The following NBPF15 variants were observed in gnomAD, a reference collection of about 807,000 sequenced individuals.
The protein encoded by NBPF15 is NBPF member 15, also known as NBPF family member NBPF15.
Under a neutral mutation model 62.2 loss-of-function variants are expected in NBPF15, and 74 were observed. The ratio of observed to expected loss-of-function variants is 1.19; its 90% confidence interval spans 0.99 to 1.44. NBPF15 has a LOEUF of 1.44. Ranked by LOEUF, NBPF15 falls within the 40% of genes most tolerant of loss-of-function variation. The probability of loss-of-function intolerance (pLI) is 0.00; values close to 1 mark genes in which losing one functional copy is unlikely to be tolerated. For missense variants in NBPF15, 790 were observed against 550.0 expected (o/e 1.44, Z -4.36); for synonymous variants, 244 against 209.7 (o/e 1.16, Z -1.41).
At chr1:144,442,180 AAT>A (rs1420198584) in intron 6 of NBPF15, among the ~76,000 whole-genome samples, 6 of 96,366 alleles carry the variant, frequency 6.2e-5, no homozygotes, top group East Asian at 2.8e-4. Flanking sequence ...ATATATATAT[AAT>A]ATATATACAC....
At chr1:144,429,386 G>A (rs1303024946) in intron 14 of NBPF15, among the ~76,000 whole-genome samples, 1 of 151,356 alleles carries the variant, frequency 6.6e-6, no homozygotes, top group Non-Finnish European at 1.5e-5. Context: ...GAGCTGAGCT[G>A]ACAGACAGCT....
At chr1:144,442,111 TATATAA>T (rs1683371721) in intron 6 of NBPF15, among the ~76,000 whole-genome samples, 1 of 75,594 alleles carries the variant, frequency 1.3e-5, no homozygotes, top group Non-Finnish European at 2.4e-5. Context: ...TGTATATATA[TATATAA>T]TATATATACA....
chr1:144,426,155 GC>G, intron 18 of NBPF15, 122 bp downstream of exon 18: 1 of 657,454 alleles, frequency 1.5e-6, no homozygotes. Flanking sequence ...ACCTTTATGC[GC>G]CCATAGGTCC....
At chr1:144,436,710 C>T (rs1201257019) in intron 10 of NBPF15, among the ~76,000 whole-genome samples, 185 bp downstream of exon 10, 1 of 152,052 alleles carries the variant, frequency 6.6e-6, no homozygotes, top group Non-Finnish European at 1.5e-5. Context: ...ACTTGCAATA[C>T]TGTGACCTCC....
At chr1:144,445,778 G>A (rs1553543882) in intron 6 of NBPF15, among the ~76,000 whole-genome samples, 4 of 144,320 alleles carry the variant, frequency 2.8e-5, no homozygotes, top group Admixed American at 6.9e-5. Context: ...CACTAATTTA[G>A]TTCTTTCATA....
chr1:144,447,339 G>T (rs587630209), intron 6 of NBPF15, among the ~76,000 whole-genome samples: 1 of 151,712 alleles, frequency 6.6e-6, no homozygotes, highest in Non-Finnish European at 1.5e-5. Context: ...TAATGCTATG[G>T]GACCCACTGA....
At chr1:144,426,699 C>A (rs1460115671) in intron 17 of NBPF15, among the ~76,000 whole-genome samples, 19 of 151,598 alleles carry the variant, frequency 1.3e-4, no homozygotes, top group Non-Finnish European at 7.4e-5. Context: ...CCGGGTGACA[C>A]ACTGATGAAG....
intron 4 of NBPF15, among the ~76,000 whole-genome samples, chr1:144,455,818 T>G (rs1296280677): frequency 3.3e-5 from 5 of 151,752 alleles, no homozygotes; most frequent in Non-Finnish European, 7.4e-5. Flanking sequence ...TGACCTGAGA[T>G]TTACTCGTTA....
chr1:144,425,101 C>A (rs1205072631), intron 19 of NBPF15, among the ~76,000 whole-genome samples: 71 of 144,654 alleles, frequency 4.9e-4, no homozygotes, highest in African/African-American at 1.8e-3. Flanking sequence ...CACACACACA[C>A]ACAGACACAC....
chr1:144,459,137 C>T (rs1382632090), intron 3 of NBPF15, among the ~76,000 whole-genome samples: 3 of 151,750 alleles, frequency 2.0e-5, no homozygotes, highest in Non-Finnish European at 4.4e-5. Flanking sequence ...ATTTCTTAAA[C>T]AGGACACAAA....
At position 144,429,054 on chromosome 1, in the gene NBPF15, AAGGG is replaced by A. The variant is rs1164881911; in HGVS notation, c.989-401_989-398del. 2.6e-5 allele frequency among the ~76,000 whole-genome samples: 4 copies of A among 151,948 alleles called. 1 individual carries two copies. Among genetic ancestry groups the A allele is most frequent in the Non-Finnish European group, 5.9e-5 (4 of 68,006 alleles). On this transcript the variant is annotated intron_variant, in intron 14 of 21. Transcript: ENST00000581897. ...AGATTGTGGACACAGAGATTTGATG[AAGGG>A]GTGCAATGTACCAGCTCTTGAGTCA... is the stretch of plus-strand genomic sequence containing the variant.
intron 13 of NBPF15, among the ~76,000 whole-genome samples, chr1:144,431,338 C>G (rs1293355912): frequency 6.7e-6 from 1 of 149,776 alleles, no homozygotes; most frequent in African/African-American, 2.5e-5. Context: ...GGTCGGATTA[C>G]CCACAAAGGG....
chr1:144,427,042 G>A lies in NBPF15; in HGVS notation c.1265+5C>T, dbSNP rs1171333270. The A allele has an allele frequency of 5.9e-5, 44 of 751,486 alleles. No individual in the cohort carries two copies. Among genetic ancestry groups the A allele is most frequent in the Admixed American group, 1.9e-4 (11 of 56,950 alleles). The allele number at this position is 751,486 out of a possible 1,614,324, so 46.6% of individuals were successfully genotyped here. The stretch of plus-strand genomic sequence containing the variant: ...AATTAAGCATCCATAATTGCTCAAA[G>A]TTACCTGGGGCATGATGGGTCTTGG... On this transcript the variant is annotated splice_donor_5th_base_variant and intron_variant, in intron 17 of 21. Coordinates refer to ENST00000581897, the MANE Select transcript of NBPF15 (RefSeq NM_001385408.1).
intron 20 of NBPF15, 74 bp from the exon 21 acceptor site, chr1:144,424,049 C>A: frequency 4.0e-6 from 3 of 759,026 alleles, no homozygotes; most frequent in Non-Finnish European, 7.3e-6. Flanking sequence ...CTGTCTAATC[C>A]TCACACAGGG....
Position 144,427,084 on chromosome 1 carries a change from G to T in NBPF15, c.1228C>A (p.Gln410Lys), listed in dbSNP as rs1278121874. 6.7e-5 allele frequency: 39 copies of T among 580,010 alleles called. No individual in the cohort carries two copies. The African/African-American group carries it at 6.9e-4, about 10-fold the overall frequency. The allele number at this position is 580,010 out of a possible 1,614,324, so 35.9% of individuals were successfully genotyped here. A position where few individuals can be genotyped will look rare whatever the true frequency, so the allele number is the denominator to read the frequency against. The change falls in exon 17 of 22, where the codon CAA (glutamine) becomes AAA (lysine). Residue 410 changes from glutamine (Q) to lysine (K), a missense_variant. Physicochemically the swap from Gln to Lys is moderately conservative, Grantham distance 53. Coordinates refer to ENST00000581897, the MANE Select transcript of NBPF15 (RefSeq NM_001385408.1). Reference sequence around the variant, plus strand: ...GGGTCTTGGTCTTCTTCCACTTCTTGGTACTTTTCAATTTCTGCAATAAGT... The same window carrying T: ...GGGTCTTGGTCTTCTTCCACTTCTTTGTACTTTTCAATTTCTGCAATAAGT... ...AIDMDEIEKY[Q>K]EVEEDQDPSC... is the part of the protein sequence containing the mutation.
intron 3 of NBPF15, among the ~76,000 whole-genome samples, chr1:144,457,268 T>C (rs1403706120): frequency 1.1e-4 from 16 of 152,176 alleles, no homozygotes; most frequent in African/African-American, 3.6e-4. Flanking sequence ...TGTTAGGGAA[T>C]TATGAGTGTG....
chr1:144,461,555 AG>A lies in NBPF15; in HGVS notation c.-1113del, dbSNP rs1202680166. 2.6e-5 allele frequency: 4 copies of A among 152,876 alleles called. No individual in the cohort carries two copies. Among genetic ancestry groups the A allele is most frequent in the African/African-American group, 9.7e-5 (4 of 41,432 alleles). 9.5% of individuals were successfully genotyped at this position (152,876 alleles called of 1,614,324 possible). On this transcript the variant is annotated 5_prime_UTR_variant, in exon 1 of 22. It removes the in-frame stop codon of an upstream open reading frame in the 5' UTR. Coordinates refer to ENST00000581897, the MANE Select transcript of NBPF15 (RefSeq NM_001385408.1). ...ACCGCGTTCACTCAGATGCTCACGC[AG>A]CCTCGCGACCCTCACCTACCCCTCC...
At chr1:144,436,232 A>G (rs1171595710) in intron 10 of NBPF15, among the ~76,000 whole-genome samples, 1 of 152,038 alleles carries the variant, frequency 6.6e-6, no homozygotes, top group African/African-American at 2.4e-5. Context: ...TCTTAGAAGC[A>G]GACAAACTTG....
At chr1:144,461,141 C>T (rs1571176613) in intron 1 of NBPF15, among the ~76,000 whole-genome samples, 180 bp from the exon 2 acceptor site, 4 of 151,918 alleles carry the variant, frequency 2.6e-5, no homozygotes, top group South Asian at 4.2e-4. Flanking sequence ...CGAAGCTGCT[C>T]GTCCCTCCAC....
Sources: allele counts gnomAD v4.1 joint callset (sites outside exome capture counted in the v4.1 genomes callset), GRCh38; gene constraint gnomAD v4.1.1; transcripts MANE v1.5; gene names NCBI Gene and HGNC (gene_info 2026-07-23, HGNC 2026-07-21).